TAOK3: variants seen among roughly 807,000 people sequenced by gnomAD.
The protein encoded by TAOK3 is serine/threonine-protein kinase TAO3.
A neutral mutation model predicts 120.4 loss-of-function variants in TAOK3; 40 were observed. The observed-to-expected ratio is 0.33, with a 90% CI of 0.26 to 0.43. TAOK3 has a LOEUF of 0.43. Ranked by LOEUF, TAOK3 falls within the 20% of genes least tolerant of loss-of-function variation. The pLI is 1.00. For missense variants in TAOK3, 821 were observed against 1,112.1 expected, an observed-to-expected ratio of 0.74 and a Z score of 3.72; for synonymous variants, 355 against 387.5, an observed-to-expected ratio of 0.92 and a Z score of 0.99.
chr12:118,355,296 T>A (rs1033351872), intron 1 of TAOK3, among the ~76,000 whole-genome samples: 1 of 152,218 alleles, frequency 6.6e-6, no homozygotes, highest in African/African-American at 2.4e-5. Flanking sequence ...TAACTTTATC[T>A]GAGTGGTGTA....
At chr12:118,269,149 C>A (rs560809941) in intron 1 of TAOK3, among the ~76,000 whole-genome samples, 2 of 151,638 alleles carry the variant, frequency 1.3e-5, no homozygotes, top group East Asian at 1.9e-4. Context: ...TCTTTCTTCT[C>A]TCTCTTTCTT....
rs890403072 is a variant in TAOK3, at chr12:118,176,473, T to C, written c.1695+728A>G. On this transcript the variant is annotated intron_variant, in intron 16 of 20. Transcript: ENST00000392533. Reference sequence around the variant, plus strand: ...TGGATTTCAAAACTATGCAGTAGAATGACCAGATTTATGGTTTGAAAAGAT... The same window carrying C: ...TGGATTTCAAAACTATGCAGTAGAACGACCAGATTTATGGTTTGAAAAGAT... Among the ~76,000 whole-genome samples, 6 of 152,264 alleles carry C rather than the reference T, an allele frequency of 3.9e-5. No homozygotes were observed. The East Asian group carries it at 1.2e-3, about 29-fold the overall frequency.
intron 1 of TAOK3, among the ~76,000 whole-genome samples, chr12:118,291,266 C>T (rs2042467634): frequency 6.6e-6 from 1 of 150,570 alleles, no homozygotes; most frequent in African/African-American, 2.4e-5. Flanking sequence ...AAGCAATTCC[C>T]CTGCCTCAGC....
At chr12:118,266,884 T>C (rs1311957455) in intron 1 of TAOK3, 125 bp from the exon 2 acceptor site, 2 of 365,940 alleles carry the variant, frequency 5.5e-6, no homozygotes, top group Admixed American at 4.6e-5. Context: ...TCTTCATCTG[T>C]TTGTGGATGG....
intron 8 of TAOK3, 31 bp downstream of exon 8, chr12:118,235,524 TTAA>T: frequency 6.4e-7 from 1 of 1,558,132 alleles, no homozygotes; most frequent in Non-Finnish European, 8.8e-7. Flanking sequence ...TATGCAGATT[TTAA>T]AACTATGTCA....
chr12:118,366,156 C>A (rs1015904240), intron 1 of TAOK3, among the ~76,000 whole-genome samples: 1 of 152,048 alleles, frequency 6.6e-6, no homozygotes, highest in African/African-American at 2.4e-5. Flanking sequence ...CCCAGCTACT[C>A]TGGAGGCTGA....
chr12:118,194,895 C>T (rs1022327363), intron 13 of TAOK3, among the ~76,000 whole-genome samples: 5 of 152,104 alleles, frequency 3.3e-5, no homozygotes, highest in South Asian at 2.1e-4. Context: ...ATTACAGGCG[C>T]GTGCCACCAC....
chr12:118,194,612 CTTTTTTTTTT>C (rs58866768), intron 13 of TAOK3, among the ~76,000 whole-genome samples: 8 of 98,172 alleles, frequency 8.1e-5, no homozygotes, highest in African/African-American at 2.2e-4. Flanking sequence ...AAGGACATTT[CTTTTTTTTTT>C]TTTTTTTTTT....
intron 14 of TAOK3, among the ~76,000 whole-genome samples, chr12:118,189,300 CT>C (rs1338945474): frequency 6.6e-6 from 1 of 152,156 alleles, no homozygotes; most frequent in East Asian, 1.9e-4. Context: ...ACCATATATT[CT>C]TTAAAATTAT....
chr12:118,178,622 T>C (rs1053575854), intron 15 of TAOK3, among the ~76,000 whole-genome samples: 1 of 152,160 alleles, frequency 6.6e-6, no homozygotes, highest in Non-Finnish European at 1.5e-5. Context: ...CACATCCACC[T>C]AATTTTTGTA....
In TAOK3 at chr12:118,243,520, T is replaced by A. The variant is rs200376712; in HGVS notation, c.193-4A>T. 1.5e-6 allele frequency: 2 copies of A among 1,340,384 alleles called. No homozygotes were observed. The highest frequency in any genetic ancestry group is 2.8e-5 in the South Asian group (2 of 71,148). The allele number at this position is 1,340,384 out of a possible 1,614,324, so 83.0% of individuals were successfully genotyped here. On this transcript the variant is annotated splice_region_variant and splice_polypyrimidine_tract_variant and intron_variant, in intron 4 of 20. Transcript: ENST00000392533. ...CCTTAAGAATATCTTGCCATTTCTA[T>A]TGAAGTCAGAAAAGGAACATTTTAA...
chr12:118,223,378 G>A (rs2039343452), intron 9 of TAOK3, among the ~76,000 whole-genome samples: 1 of 150,720 alleles, frequency 6.6e-6, no homozygotes, highest in Non-Finnish European at 1.5e-5. Context: ...GCAGAGTCTC[G>A]CTCTGTCGCC....
chr12:118,319,428 T>C (rs1414841146), intron 1 of TAOK3, among the ~76,000 whole-genome samples: 1 of 152,172 alleles, frequency 6.6e-6, no homozygotes, highest in African/African-American at 2.4e-5. Flanking sequence ...AAAATTGTTT[T>C]ATTAGAAACC....
At chr12:118,269,477 T>C (rs773424340) in intron 1 of TAOK3, among the ~76,000 whole-genome samples, 2 of 151,156 alleles carry the variant, frequency 1.3e-5, no homozygotes, top group Non-Finnish European at 2.9e-5. Flanking sequence ...TTCAAGCGAT[T>C]CTCCTGCCTC....
chr12:118,328,210 G>A (rs1218895573), intron 1 of TAOK3, among the ~76,000 whole-genome samples: 2 of 151,890 alleles, frequency 1.3e-5, no homozygotes, highest in South Asian at 2.1e-4. Flanking sequence ...ACAGCCACCC[G>A]CCACCACGCC....
intron 17 of TAOK3, among the ~76,000 whole-genome samples, chr12:118,167,758 A>T (rs2035699233): frequency 6.6e-6 from 1 of 151,812 alleles, no homozygotes; most frequent in Non-Finnish European, 1.5e-5. Context: ...ACATGACCCA[A>T]TCAAGTTATA....
At chr12:118,283,305 C>G (rs559479567) in intron 1 of TAOK3, among the ~76,000 whole-genome samples, 49 of 152,132 alleles carry the variant, frequency 3.2e-4, no homozygotes, top group Non-Finnish European at 6.2e-4. Context: ...TTACCTAGAA[C>G]CAGTGAATGT....
chr12:118,234,544 TC>T (rs1288518866), intron 8 of TAOK3, among the ~76,000 whole-genome samples: 2 of 151,770 alleles, frequency 1.3e-5, no homozygotes, highest in Non-Finnish European at 2.9e-5. Context: ...GCGCCTGGAG[TC>T]TTTTTTTGTT....
At chr12:118,343,941 G>A (rs1361511662) in intron 1 of TAOK3, among the ~76,000 whole-genome samples, 1 of 151,622 alleles carries the variant, frequency 6.6e-6, no homozygotes, top group African/African-American at 2.4e-5. Flanking sequence ...GAACCTAGGA[G>A]GTGGAGCTTG....
Sources: allele counts gnomAD v4.1 joint callset (sites outside exome capture counted in the v4.1 genomes callset), GRCh38; gene constraint gnomAD v4.1.1; transcripts MANE v1.5; gene names NCBI Gene and HGNC (gene_info 2026-07-23, HGNC 2026-07-21).